The following PDZRN3 variants were observed in gnomAD, a reference collection of about 807,000 sequenced individuals.
The protein encoded by PDZRN3 is PDZ domain containing ring finger 3, also known as E3 ubiquitin-protein ligase PDZRN3.
In PDZRN3, 38 loss-of-function variants were observed where a neutral mutation model predicts 85.7. The observed-to-expected ratio is 0.44, with a 90% CI of 0.34 to 0.58. The LOEUF is 0.58. Ranked by LOEUF, PDZRN3 falls within the 20% of genes least tolerant of loss-of-function variation. PDZRN3 has a pLI of 0.01. For synonymous variants in PDZRN3, 759 were observed against 638.0 expected, an observed-to-expected ratio of 1.19 and a Z score of -2.86; for missense variants, 1,629 against 1,506.4, an observed-to-expected ratio of 1.08 and a Z score of -1.35.
chr3:73,516,579 TTTG>T (rs1704259615), intron 3 of PDZRN3, among the ~76,000 whole-genome samples: 1 of 152,214 alleles, frequency 6.6e-6, no homozygotes, highest in Admixed American at 6.5e-5. Flanking sequence ...CTCTTGCTAG[TTTG>T]TTATGTTTTT....
intron 3 of PDZRN3, among the ~76,000 whole-genome samples, chr3:73,412,299 C>T (rs991743166): frequency 2.0e-5 from 3 of 152,066 alleles, no homozygotes; most frequent in Non-Finnish European, 4.4e-5. Context: ...CTCATAAATA[C>T]CTTGAATAAA....
chr3:73,530,845 T>G (rs551070401), intron 3 of PDZRN3, among the ~76,000 whole-genome samples: 1 of 152,216 alleles, frequency 6.6e-6, no homozygotes, highest in Non-Finnish European at 1.5e-5. Flanking sequence ...TGTTACTTTG[T>G]TGTGACAAAT....
intron 3 of PDZRN3, among the ~76,000 whole-genome samples, chr3:73,437,926 T>G (rs1044589714): frequency 1.3e-5 from 2 of 152,208 alleles, no homozygotes; most frequent in Non-Finnish European, 2.9e-5. Context: ...TGTTAGTGAT[T>G]GCAAGTTGTT....
chr3:73,587,986 C>G (rs1575752429), intron 3 of PDZRN3, among the ~76,000 whole-genome samples: 1 of 152,146 alleles, frequency 6.6e-6, no homozygotes, highest in Non-Finnish European at 1.5e-5. Flanking sequence ...CGAAACCAAA[C>G]AGGGATACAT....
intron 3 of PDZRN3, among the ~76,000 whole-genome samples, chr3:73,440,179 T>C (rs190454876): frequency 6.6e-6 from 1 of 152,188 alleles, no homozygotes; most frequent in Non-Finnish European, 1.5e-5. Flanking sequence ...ACTGTTTCAC[T>C]TGAAGTACTA....
chr3:73,485,457 G>T (rs1460786014), intron 3 of PDZRN3, among the ~76,000 whole-genome samples: 1 of 152,048 alleles, frequency 6.6e-6, no homozygotes, highest in East Asian at 1.9e-4. Context: ...CAGTGGTTTA[G>T]AGCTTGCTCC....
At chr3:73,621,743 T>A (rs1456660771) in intron 1 of PDZRN3, 1 of 152,038 alleles carries the variant, frequency 6.6e-6, no homozygotes, top group Non-Finnish European at 1.5e-5. Flanking sequence ...GGCACTGAGG[T>A]TGGTAAAAGT....
At chr3:73,441,411 C>CAAAAAAAAAAA (rs10656791) in intron 3 of PDZRN3, among the ~76,000 whole-genome samples, 1 of 68,192 alleles carries the variant, frequency 1.5e-5, no homozygotes. Flanking sequence ...GACTCTGTCC[C>CAAAAAAAAAAA]AAAAAAAAAA....
rs997592886 is a variant in PDZRN3 at position 73,584,460 on chromosome 3, T to C, written c.918+17894A>G. Among the ~76,000 whole-genome samples the C allele has an allele frequency of 1.4e-4, 4 of 29,444 alleles. No homozygotes were observed. The South Asian group carries it at 4.6e-3, about 34-fold the overall frequency. 19.3% of individuals were successfully genotyped at this position (29,444 alleles called of 152,430 possible). ...GTGGTGCTTCATTTAATGGTGTGTG[T>C]GTGTGTGTGTGTGTGTGTGTGTGTG... On this transcript the variant is annotated intron_variant, in intron 3 of 9. Coordinates refer to ENST00000263666, the MANE Select transcript of PDZRN3 (RefSeq NM_015009.3).
At chr3:73,512,757 C>G (rs965340316) in intron 3 of PDZRN3, among the ~76,000 whole-genome samples, 1 of 152,150 alleles carries the variant, frequency 6.6e-6, no homozygotes, top group Non-Finnish European at 1.5e-5. Context: ...ATACTGAAGG[C>G]CTTGTAGCCA....
intron 3 of PDZRN3, among the ~76,000 whole-genome samples, chr3:73,471,525 G>A (rs1360490701): frequency 6.6e-6 from 1 of 152,174 alleles, no homozygotes; most frequent in African/African-American, 2.4e-5. Flanking sequence ...CAAGTGTTTT[G>A]AGGTGGCTTG....
chr3:73,544,687 G>GTT (rs879453711), intron 3 of PDZRN3, among the ~76,000 whole-genome samples: 180 of 144,098 alleles, frequency 1.2e-3, no homozygotes, highest in African/African-American at 4.3e-3. Context: ...CACTATCTGG[G>GTT]TTTTTTTTTT....
chr3:73,437,888 C>A (rs1455881253), intron 3 of PDZRN3, among the ~76,000 whole-genome samples: 8 of 152,246 alleles, frequency 5.3e-5, no homozygotes, highest in Non-Finnish European at 1.2e-4. Flanking sequence ...AAGCTCATCC[C>A]AGAGGCAGTG....
intron 2 of PDZRN3, among the ~76,000 whole-genome samples, chr3:73,604,672 A>C (rs900544154): frequency 2.6e-5 from 4 of 152,232 alleles, no homozygotes; most frequent in African/African-American, 9.6e-5. Context: ...AGGTGATGTC[A>C]ATATATCAAA....
chr3:73,474,442 A>C, intron 3 of PDZRN3: 1 of 1,256,540 alleles, frequency 8.0e-7, no homozygotes, highest in South Asian at 1.3e-5. Flanking sequence ...AAGGTGGAGC[A>C]GATTAAACTC....
intron 3 of PDZRN3, among the ~76,000 whole-genome samples, chr3:73,584,030 A>C (rs934828719): frequency 1.3e-5 from 2 of 152,008 alleles, no homozygotes; most frequent in African/African-American, 4.8e-5. Context: ...TGAAGCCACC[A>C]ACAATTAGCT....
intron 3 of PDZRN3, among the ~76,000 whole-genome samples, chr3:73,567,097 T>C (rs1701962463): frequency 6.6e-6 from 1 of 152,204 alleles, no homozygotes; most frequent in Admixed American, 6.5e-5. Flanking sequence ...ACCTAGTTGT[T>C]ATTAGACATG....
At chr3:73,566,271 C>T (rs954286377) in intron 3 of PDZRN3, among the ~76,000 whole-genome samples, 5 of 152,108 alleles carry the variant, frequency 3.3e-5, no homozygotes, top group Admixed American at 3.3e-4. Context: ...AAAACCTCAG[C>T]GATAAACAGG....
chr3:73,583,842 C>T (rs1164775238), intron 3 of PDZRN3, among the ~76,000 whole-genome samples: 1 of 152,164 alleles, frequency 6.6e-6, no homozygotes, highest in African/African-American at 2.4e-5. Flanking sequence ...ATTAAACCTA[C>T]TAGGCAACCC....
Sources: gnomAD v4.1 joint callset for allele counts (sites outside exome capture counted in the v4.1 genomes callset) on GRCh38, gnomAD v4.1.1 for gene constraint, MANE v1.5 for transcripts, NCBI Gene and HGNC (gene_info 2026-07-23, HGNC 2026-07-21) for gene names.